BMPR2: variants seen among roughly 807,000 people sequenced by gnomAD.
BMPR2 encodes bone morphogenetic protein receptor type-2.
BMPR2 carries 29 observed loss-of-function variants against 100.8 expected under a neutral mutation model. The observed-to-expected ratio is 0.29, with a 90% CI of 0.21 to 0.39. The LOEUF (loss-of-function observed/expected upper bound fraction) is 0.39, where lower values mean the gene tolerates loss of function less well. BMPR2 is among the 10% of genes least tolerant of loss of function. The probability of loss-of-function intolerance (pLI) is 1.00; values close to 1 mark genes in which losing one functional copy is unlikely to be tolerated. For synonymous variants in BMPR2, 382 were observed against 442.3 expected (o/e 0.86, Z 1.71); for missense variants, 1,011 against 1,274.5 (o/e 0.79, Z 3.15).
At chr2:202,554,285 C>G (rs1288131722) in intron 11 of BMPR2, among the ~76,000 whole-genome samples, 1 of 152,024 alleles carries the variant, frequency 6.6e-6, no homozygotes, top group Non-Finnish European at 1.5e-5. Flanking sequence ...ATTTTGAATG[C>G]TTTCAAACTT....
intron 3 of BMPR2, among the ~76,000 whole-genome samples, chr2:202,497,962 G>C (rs1229564241): frequency 6.6e-6 from 1 of 152,116 alleles, no homozygotes; most frequent in African/African-American, 2.4e-5. Flanking sequence ...AGACTAACAG[G>C]CCTAACAAAA....
rs57875922 is a variant in BMPR2, at chr2:202,416,420, C to G, written c.76+38870C>G. On this transcript the variant is annotated intron_variant, in intron 1 of 12. Transcript: ENST00000374580. Reference sequence around the variant, plus strand: ...GAACTACAGGTGTGCACTACCACACCTGGATAATTTTTTTTTTTTTTTTTG... The same window carrying G: ...GAACTACAGGTGTGCACTACCACACGTGGATAATTTTTTTTTTTTTTTTTG... 6.7e-4 allele frequency among the ~76,000 whole-genome samples: 99 copies of G among 146,930 alleles called. 4 individuals are homozygous for G. In the East Asian group the frequency reaches 0.019, roughly 28 times the overall value.
chr2:202,387,358 C>T (rs1690451975), intron 1 of BMPR2, among the ~76,000 whole-genome samples: 1 of 152,134 alleles, frequency 6.6e-6, no homozygotes, highest in Non-Finnish European at 1.5e-5. Flanking sequence ...TCATTATCCT[C>T]TAAACAGACT....
intron 12 of BMPR2, among the ~76,000 whole-genome samples, 180 bp from the exon 13 acceptor site, chr2:202,559,515 AG>A (rs1446984730): frequency 6.6e-6 from 1 of 152,194 alleles, no homozygotes; most frequent in Non-Finnish European, 1.5e-5. Flanking sequence ...TGGGTTAAAG[AG>A]TCTCAAAAAT....
chr2:202,377,068 GC>G lies in BMPR2; in HGVS notation c.-401del, dbSNP rs1452927882. On this transcript the variant is annotated 5_prime_UTR_variant, in exon 1 of 13. Transcript: ENST00000374580. ...CAGTCGGGAACTAGTTCTGACCCTC[GC>G]CCCCCGACCCCGGATCGAATCCCCG... 9 of 516,504 alleles carry G rather than the reference GC, an allele frequency of 1.7e-5. No homozygotes were observed. The highest frequency in any genetic ancestry group is 3.1e-5 in the Non-Finnish European group (9 of 295,006). The allele number at this position is 516,504 out of a possible 1,614,324, so 32.0% of individuals were successfully genotyped here.
chr2:202,483,616 A>G (rs1372442831), intron 3 of BMPR2, among the ~76,000 whole-genome samples: 1 of 151,996 alleles, frequency 6.6e-6, no homozygotes, highest in East Asian at 1.9e-4. Context: ...CTAGGCTGGT[A>G]TGGAACTCCC....
rs1688740535 is a variant in BMPR2, at chr2:202,565,195, A to C, written c.*5249A>C. Reference sequence around the variant, plus strand: ...GATTTTAAATTTTTTTCTTTTACCCAGTAGGACAAAAAAGAGCAGTTGGTC... The same window carrying C: ...GATTTTAAATTTTTTTCTTTTACCCCGTAGGACAAAAAAGAGCAGTTGGTC... On this transcript the variant is annotated 3_prime_UTR_variant, in exon 13 of 13. Coordinates refer to ENST00000374580, the MANE Select transcript of BMPR2 (RefSeq NM_001204.7). 1 of 152,106 alleles carries C rather than the reference A, an allele frequency of 6.6e-6. No individual in the cohort carries two copies. The highest frequency in any genetic ancestry group is 1.5e-5 in the Non-Finnish European group (1 of 68,022). The allele number at this position is 152,106 out of a possible 1,614,324, so 9.4% of individuals were successfully genotyped here.
At chr2:202,488,545 A>G (rs1194653039) in intron 3 of BMPR2, among the ~76,000 whole-genome samples, 4 of 151,794 alleles carry the variant, frequency 2.6e-5, no homozygotes, top group Non-Finnish European at 4.4e-5. Context: ...AGCAGCCTCA[A>G]ACTCCTGGGC....
intron 1 of BMPR2, among the ~76,000 whole-genome samples, chr2:202,406,778 G>A (rs1356936857): frequency 6.6e-6 from 1 of 152,150 alleles, no homozygotes; most frequent in Non-Finnish European, 1.5e-5. Flanking sequence ...GTTTCACTTG[G>A]TTGCTACTGT....
At chr2:202,378,974 A>G (rs1056913865) in intron 1 of BMPR2, among the ~76,000 whole-genome samples, 7 of 152,212 alleles carry the variant, frequency 4.6e-5, no homozygotes, top group African/African-American at 1.7e-4. Context: ...CGTGCTCATA[A>G]TATTGTGATC....
intron 3 of BMPR2, among the ~76,000 whole-genome samples, chr2:202,507,160 G>C (rs1026860984): frequency 1.2e-4 from 18 of 151,584 alleles, no homozygotes; most frequent in African/African-American, 4.4e-4. Flanking sequence ...TCCACTCACT[G>C]CTTTACCTAG....
chr2:202,409,749 A>T (rs913334593), intron 1 of BMPR2, among the ~76,000 whole-genome samples: 1 of 152,226 alleles, frequency 6.6e-6, no homozygotes, highest in Non-Finnish European at 1.5e-5. Context: ...ACTTTGGAAA[A>T]TTATAAGGCT....
chr2:202,520,520 T>C, intron 7 of BMPR2: 1 of 360,502 alleles, frequency 2.8e-6, no homozygotes, highest in Non-Finnish European at 5.2e-6. Context: ...TGGCAGTTTC[T>C]ACAGAAACAA....
Position 202,435,425 on chromosome 2 carries a change from A to G in BMPR2, c.77-29384A>G, listed in dbSNP as rs1169820542. Among the ~76,000 whole-genome samples the G allele has an allele frequency of 3.6e-5, 5 of 139,354 alleles. No individual in the cohort carries two copies. In the East Asian group the frequency reaches 9.9e-4, roughly 27 times the overall value. 91.4% of individuals were successfully genotyped at this position (139,354 alleles called of 152,430 possible). ...TATATATATGTTTTTGTACAGTTAT[A>G]CAGTATGTTCGTGTTTTAAGCTAAG... On this transcript the variant is annotated intron_variant, in intron 1 of 12. Transcript: ENST00000374580.
At position 202,417,545 on chromosome 2, in the gene BMPR2, C is replaced by T. The variant is rs550890887; in HGVS notation, c.76+39995C>T. 1.6e-3 allele frequency among the ~76,000 whole-genome samples: 236 copies of T among 152,228 alleles called. 2 individuals carry two copies. Among genetic ancestry groups the T allele is most frequent in the African/African-American group, 5.4e-3 (226 of 41,546 alleles). On this transcript the variant is annotated intron_variant, in intron 1 of 12. Coordinates refer to ENST00000374580, the MANE Select transcript of BMPR2 (RefSeq NM_001204.7). Reference sequence around the variant, plus strand: ...CTCAAACTCCCGACCTCAGGTGATACGCCCGCCTTGGCCTCCCAGAGTGCT... The same window carrying T: ...CTCAAACTCCCGACCTCAGGTGATATGCCCGCCTTGGCCTCCCAGAGTGCT...
intron 1 of BMPR2, among the ~76,000 whole-genome samples, chr2:202,451,646 C>G (rs1370644283): frequency 4.6e-5 from 7 of 152,172 alleles, no homozygotes; most frequent in Admixed American, 4.6e-4. Flanking sequence ...TTGCAGTGAG[C>G]CGAGATCGTG....
At chr2:202,531,162 G>T (rs542356507) in intron 8 of BMPR2, among the ~76,000 whole-genome samples, 1 of 152,212 alleles carries the variant, frequency 6.6e-6, no homozygotes, top group East Asian at 1.9e-4. Flanking sequence ...AATTAGCCGG[G>T]CACAGTGGCA....
Position 202,566,052 on chromosome 2 carries a change from G to A in BMPR2, c.*6106G>A, listed in dbSNP as rs564929316. On this transcript the variant is annotated 3_prime_UTR_variant, in exon 13 of 13. Coordinates refer to ENST00000374580, the MANE Select transcript of BMPR2 (RefSeq NM_001204.7). The stretch of plus-strand genomic sequence containing the variant: ...CAACTTGAAACCCATTTTAAAATCT[G>A]GGTAAGAGAGAAGGAATCTTCAGAA... 1 of 152,222 alleles carries A rather than the reference G, an allele frequency of 6.6e-6. No homozygotes were observed. The highest frequency in any genetic ancestry group is 2.4e-5 in the African/African-American group (1 of 41,558). The allele number at this position is 152,222 out of a possible 1,614,324, so 9.4% of individuals were successfully genotyped here. A position where few individuals can be genotyped will look rare whatever the true frequency, so the allele number is the denominator to read the frequency against.
chr2:202,529,446 T>C (rs1425511350), intron 7 of BMPR2, among the ~76,000 whole-genome samples: 1 of 152,200 alleles, frequency 6.6e-6, no homozygotes, highest in African/African-American at 2.4e-5. Flanking sequence ...ATTGATTTGG[T>C]ATTATTATAT....
Sources: gnomAD v4.1 joint callset for allele counts (sites outside exome capture counted in the v4.1 genomes callset) on GRCh38, gnomAD v4.1.1 for gene constraint, MANE v1.5 for transcripts, NCBI Gene and HGNC (gene_info 2026-07-23, HGNC 2026-07-21) for gene names.